The following MORF4L1 variants were observed in gnomAD, a reference collection of about 807,000 sequenced individuals.
MORF4L1 encodes the protein mortality factor 4 like 1, also known as mortality factor 4-like protein 1.
MORF4L1 carries 4 observed loss-of-function variants against 52.9 expected under a neutral mutation model. The observed-to-expected ratio is 0.08, with a 90% CI of 0.04 to 0.17. MORF4L1 has a LOEUF of 0.17. Among genes scored for constraint, MORF4L1 ranks in the 10% least tolerant of loss-of-function variants. The pLI, the probability that MORF4L1 is intolerant of heterozygous loss-of-function variation, is 1.00. For missense variants in MORF4L1, 214 were observed against 390.4 expected (o/e 0.55, Z 3.81); for synonymous variants, 123 against 134.8 (o/e 0.91, Z 0.61).
At chr15:78,873,144 C>T (rs1037340119) in intron 1 of MORF4L1, 87 bp downstream of exon 1, 11 of 1,541,932 alleles carry the variant, frequency 7.1e-6, no homozygotes, top group Admixed American at 6.2e-5. Flanking sequence ...GGGCCGGGGG[C>T]GGCGCGGGCT....
At chr15:78,880,208 A>G (rs1384793962) in intron 2 of MORF4L1, among the ~76,000 whole-genome samples, 1 of 152,254 alleles carries the variant, frequency 6.6e-6, no homozygotes, top group Non-Finnish European at 1.5e-5. Context: ...AAATAAATAT[A>G]GCTCCTGGCT....
chr15:78,882,121 G>A (rs2056613856), intron 3 of MORF4L1, among the ~76,000 whole-genome samples: 1 of 152,200 alleles, frequency 6.6e-6, no homozygotes, highest in South Asian at 2.1e-4. Flanking sequence ...AGTGCATCCT[G>A]ACAACTTGTG....
chr15:78,897,124 C>CT lies in MORF4L1; in HGVS notation c.*58dup, dbSNP rs1219280220. On this transcript the variant is annotated 3_prime_UTR_variant, in exon 12 of 12. Transcript: ENST00000426013. ...CCGTAAACACATTTTTGTTCTTAGT[C>CT]TATCTCTTGTACAAACGATGTGCTT... The CT allele has an allele frequency of 2.2e-6, 3 of 1,347,852 alleles. No individual in the cohort carries two copies. The African/African-American group carries it at 4.3e-5, about 19-fold the overall frequency. The allele number at this position is 1,347,852 out of a possible 1,614,324, so 83.5% of individuals were successfully genotyped here. A position where few individuals can be genotyped will look rare whatever the true frequency, so the allele number is the denominator to read the frequency against.
chr15:78,884,058 G>C (rs1258718139), intron 3 of MORF4L1, among the ~76,000 whole-genome samples: 1 of 151,540 alleles, frequency 6.6e-6, no homozygotes, highest in Non-Finnish European at 1.5e-5. Context: ...ACAAAAATTA[G>C]CCAGGTGTGG....
intron 1 of MORF4L1, chr15:78,876,465 C>G (rs555962243): frequency 2.2e-6 from 1 of 453,116 alleles, no homozygotes; most frequent in Non-Finnish European, 4.4e-6. Context: ...GGGTCATACT[C>G]CTCAGCTAGC....
chr15:78,887,248 T>TTA, intron 4 of MORF4L1, 21 bp from the exon 5 acceptor site: 1 of 1,587,662 alleles, frequency 6.3e-7, no homozygotes, highest in Non-Finnish European at 8.6e-7. Context: ...TATGTTGACA[T>TTA]TACTGAAATT....
intron 1 of MORF4L1, among the ~76,000 whole-genome samples, chr15:78,874,253 T>G (rs2141582379): frequency 6.6e-6 from 1 of 152,370 alleles, no homozygotes; most frequent in East Asian, 1.9e-4. Context: ...CGATTTTTGT[T>G]CTAGGGGTTT....
intron 5 of MORF4L1, among the ~76,000 whole-genome samples, chr15:78,887,729 G>C (rs758649858): frequency 6.6e-6 from 1 of 152,198 alleles, no homozygotes; most frequent in African/African-American, 2.4e-5. Context: ...AAGAATATGT[G>C]AGAAGTTAAG....
At chr15:78,873,135 G>A in intron 1 of MORF4L1, 78 bp downstream of exon 1, 6 of 1,544,496 alleles carry the variant, frequency 3.9e-6, no homozygotes, top group South Asian at 2.4e-5. Flanking sequence ...GAGGCTTGAG[G>A]GCCGGGGGCG....
intron 9 of MORF4L1, 146 bp downstream of exon 9, chr15:78,893,773 G>A: frequency 1.5e-6 from 1 of 650,194 alleles, no homozygotes; most frequent in Non-Finnish European, 2.6e-6. Context: ...ACAGGAGTTG[G>A]CTGGCTGACT....
chr15:78,885,157 T>TA (rs1244257648), intron 3 of MORF4L1: 5 of 1,237,404 alleles, frequency 4.0e-6, no homozygotes, highest in Non-Finnish European at 5.8e-6. Context: ...CTCTTGGCTG[T>TA]ATTATATAAG....
intron 8 of MORF4L1, chr15:78,892,823 C>T (rs1439061538): frequency 6.5e-6 from 1 of 153,880 alleles, no homozygotes; most frequent in Non-Finnish European, 1.4e-5. Flanking sequence ...GAACAAATGG[C>T]ATAGGTAGGG....
chr15:78,879,624 A>G (rs1361284374), intron 2 of MORF4L1, among the ~76,000 whole-genome samples: 1 of 152,122 alleles, frequency 6.6e-6, no homozygotes, highest in African/African-American at 2.4e-5. Flanking sequence ...TTAATGATAT[A>G]ATGTTTGTAA....
Position 78,878,172 on chromosome 15 carries a change from T to A in MORF4L1, c.41-41T>A, listed in dbSNP as rs1008480237. 14 of 1,577,500 alleles carry A rather than the reference T, an allele frequency of 8.9e-6. No homozygotes were observed. In the African/African-American group the frequency reaches 1.8e-4, roughly 20 times the overall value. ...TCTAAGATGTTAATCTTTTTATATATGAGAAGAAATTACAATTCAGTACTT... is the reference window on the plus strand; with the variant it reads ...TCTAAGATGTTAATCTTTTTATATAAGAGAAGAAATTACAATTCAGTACTT... On this transcript the variant is annotated intron_variant, in intron 1 of 11. Coordinates refer to ENST00000426013, the MANE Select transcript of MORF4L1 (RefSeq NM_006791.4).
At chr15:78,896,888 G>C in intron 11 of MORF4L1, 95 bp from the exon 12 acceptor site, 1 of 874,082 alleles carries the variant, frequency 1.1e-6, no homozygotes, top group Non-Finnish European at 1.8e-6. Context: ...TTTTAGGAAA[G>C]TGTTTTCTGT....
In MORF4L1 at chr15:78,894,252, A is replaced by G. The variant is rs757509717; in HGVS notation, c.802+22A>G. 1.3e-5 allele frequency: 20 copies of G among 1,570,694 alleles called. No individual in the cohort carries two copies. The East Asian group carries it at 4.4e-4, about 34-fold the overall frequency. On this transcript the variant is annotated intron_variant, in intron 10 of 11. Transcript: ENST00000426013. ...TTTGGTAATATGTCATGTAGAAAAT[A>G]ATGGATTTTACTTTTTGGGGGGTCT... is the stretch of plus-strand genomic sequence containing the variant.
At chr15:78,892,401 T>G in intron 8 of MORF4L1, 88 bp downstream of exon 8, 1 of 825,722 alleles carries the variant, frequency 1.2e-6, no homozygotes, top group Non-Finnish European at 2.0e-6. Context: ...TTATATTGAC[T>G]TGAATTATTA....
At chr15:78,888,082 T>C (rs1025802047) in intron 5 of MORF4L1, among the ~76,000 whole-genome samples, 4 of 152,198 alleles carry the variant, frequency 2.6e-5, no homozygotes, top group African/African-American at 9.7e-5. Flanking sequence ...ACAAAACCAT[T>C]ACTTCTTGTT....
chr15:78,894,705 G>A (rs2056856847), intron 10 of MORF4L1, 115 bp from the exon 11 acceptor site: 5 of 829,872 alleles, frequency 6.0e-6, no homozygotes, highest in Non-Finnish European at 8.0e-6. Context: ...ACTATGCCCG[G>A]CCTAAAATCA....
Sources: allele counts gnomAD v4.1 joint callset (sites outside exome capture counted in the v4.1 genomes callset), GRCh38; gene constraint gnomAD v4.1.1; transcripts MANE v1.5; gene names NCBI Gene and HGNC (gene_info 2026-07-23, HGNC 2026-07-21).